The following DNM3 variants were observed in gnomAD, a reference collection of about 807,000 sequenced individuals.
DNM3 encodes the protein dynamin-3.
Under a neutral mutation model 101.6 loss-of-function variants are expected in DNM3, and 47 were observed. That is an observed-to-expected ratio of 0.46 (90% CI 0.37 to 0.59). DNM3 has a LOEUF of 0.59. Ranked by LOEUF, DNM3 falls within the 20% of genes least tolerant of loss-of-function variation. The probability of loss-of-function intolerance (pLI) is 0.00; values close to 1 mark genes in which losing one functional copy is unlikely to be tolerated. For missense variants in DNM3, 849 were observed against 1,085.7 expected (o/e 0.78, Z 3.06); for synonymous variants, 385 against 387.9 (o/e 0.99, Z 0.09).
intron 10 of DNM3, among the ~76,000 whole-genome samples, chr1:172,058,034 G>A (rs1175918781): frequency 6.8e-5 from 9 of 133,242 alleles, no homozygotes; most frequent in African/African-American, 2.7e-4. Flanking sequence ...AAAAAGGCAG[G>A]GGTTGCAATC....
intron 14 of DNM3, among the ~76,000 whole-genome samples, chr1:172,218,592 A>C (rs1289196571): frequency 1.3e-5 from 2 of 152,148 alleles, no homozygotes; most frequent in Non-Finnish European, 2.9e-5. Context: ...TTTGTGGTAT[A>C]TGATATATAC....
At chr1:172,385,220 T>A (rs995718914) in intron 18 of DNM3, among the ~76,000 whole-genome samples, 1 of 152,250 alleles carries the variant, frequency 6.6e-6, no homozygotes, top group African/African-American at 2.4e-5. Flanking sequence ...ATGAACGATC[T>A]ACAATAGCCT....
At chr1:172,335,882 C>T (rs551764306) in intron 17 of DNM3, among the ~76,000 whole-genome samples, 2 of 152,176 alleles carry the variant, frequency 1.3e-5, no homozygotes, top group African/African-American at 2.4e-5. Flanking sequence ...GGACCCCAAA[C>T]CTCAGCATCA....
chr1:171,896,235 G>A (rs1197146856), intron 1 of DNM3, among the ~76,000 whole-genome samples: 1 of 152,118 alleles, frequency 6.6e-6, no homozygotes, highest in Non-Finnish European at 1.5e-5. Context: ...TGGGCAGTAT[G>A]GCCATTTTCA....
chr1:172,016,200 G>T (rs1043285512), intron 4 of DNM3, among the ~76,000 whole-genome samples: 2 of 141,636 alleles, frequency 1.4e-5, no homozygotes, highest in African/African-American at 5.2e-5. Flanking sequence ...AAAAAAAAAA[G>T]AAAAAAAAAA....
Position 172,218,431 on chromosome 1 carries a change from G to A in DNM3, c.1660-35142G>A, listed in dbSNP as rs192582529. On this transcript the variant is annotated intron_variant, in intron 14 of 20. Coordinates refer to ENST00000627582, the MANE Select transcript of DNM3 (RefSeq NM_015569.5). ...AGGGTAAGGAGGACTGAGGAATTGAGGTAATTTGTGGTTTCACTGTAACAA... is the reference window on the plus strand; with the variant it reads ...AGGGTAAGGAGGACTGAGGAATTGAAGTAATTTGTGGTTTCACTGTAACAA... Among the ~76,000 whole-genome samples, 721 of 152,106 alleles carry A rather than the reference G, an allele frequency of 4.7e-3. 5 individuals carry two copies. The highest frequency in any genetic ancestry group is 9.8e-3 in the African/African-American group (405 of 41,512).
intron 1 of DNM3, among the ~76,000 whole-genome samples, chr1:171,895,662 T>G (rs1322951362): frequency 6.6e-6 from 1 of 152,166 alleles, no homozygotes; most frequent in Non-Finnish European, 1.5e-5. Context: ...ATTTGTCAAT[T>G]TTGGCTTTTG....
intron 17 of DNM3, among the ~76,000 whole-genome samples, chr1:172,333,665 G>T (rs2066291610): frequency 6.6e-6 from 1 of 152,072 alleles, no homozygotes; most frequent in Non-Finnish European, 1.5e-5. Flanking sequence ...ATTGGAATAT[G>T]CAGAATCTAG....
chr1:172,342,953 A>G (rs2066756563), intron 17 of DNM3, among the ~76,000 whole-genome samples: 1 of 152,142 alleles, frequency 6.6e-6, no homozygotes, highest in South Asian at 2.1e-4. Context: ...CCTGCAAAAT[A>G]TATTTTCTCC....
intron 20 of DNM3, among the ~76,000 whole-genome samples, chr1:172,407,296 C>G (rs76305311): frequency 6.6e-6 from 1 of 151,706 alleles, no homozygotes; most frequent in Admixed American, 6.6e-5. Context: ...CTGTAAATTA[C>G]AAGCATAATA....
chr1:172,055,176 C>T (rs952411630), intron 10 of DNM3, among the ~76,000 whole-genome samples: 8 of 152,026 alleles, frequency 5.3e-5, no homozygotes, highest in African/African-American at 1.9e-4. Context: ...TCATCTTCTC[C>T]CCTTTCTCTC....
At chr1:172,047,437 G>A (rs1431817140) in intron 9 of DNM3, among the ~76,000 whole-genome samples, 1 of 152,128 alleles carries the variant, frequency 6.6e-6, no homozygotes, top group Non-Finnish European at 1.5e-5. Context: ...GGCCAAAATT[G>A]TTAACAGGGT....
chr1:171,851,709 C>T (rs568613159), intron 1 of DNM3, among the ~76,000 whole-genome samples: 1 of 152,334 alleles, frequency 6.6e-6, no homozygotes, highest in East Asian at 1.9e-4. Context: ...CCACTGCACC[C>T]GACCTGAACA....
At chr1:172,401,137 G>T (rs1304110769) in intron 20 of DNM3, among the ~76,000 whole-genome samples, 1 of 152,196 alleles carries the variant, frequency 6.6e-6, no homozygotes, top group African/African-American at 2.4e-5. Context: ...AATATAAAAT[G>T]AATTGACTTG....
intron 4 of DNM3, among the ~76,000 whole-genome samples, chr1:171,989,776 C>T (rs890868225): frequency 6.6e-6 from 1 of 152,062 alleles, no homozygotes; most frequent in Non-Finnish European, 1.5e-5. Flanking sequence ...TGGTGTGTGT[C>T]TGTTTAAAGT....
chr1:172,338,226 A>G (rs1313833132), intron 17 of DNM3, among the ~76,000 whole-genome samples: 1 of 152,072 alleles, frequency 6.6e-6, no homozygotes, highest in Non-Finnish European at 1.5e-5. Context: ...GGGAGTATTC[A>G]TTTTAAACAA....
chr1:171,945,133 G>A (rs2042091712), intron 2 of DNM3, among the ~76,000 whole-genome samples: 1 of 151,860 alleles, frequency 6.6e-6, no homozygotes, highest in African/African-American at 2.4e-5. Flanking sequence ...GCCTCCCAAA[G>A]TTTTGGGATC....
At chr1:171,983,482 G>T (rs2125597834) in intron 2 of DNM3, among the ~76,000 whole-genome samples, 1 of 151,854 alleles carries the variant, frequency 6.6e-6, no homozygotes, top group Middle Eastern at 3.4e-3. Context: ...ATGTTGGCAG[G>T]GTTTGATGGA....
chr1:171,918,586 C>T (rs1433670490), intron 1 of DNM3, among the ~76,000 whole-genome samples: 3 of 152,194 alleles, frequency 2.0e-5, no homozygotes, highest in South Asian at 2.1e-4. Context: ...GGATAGACTT[C>T]GAAATAGTAA....
Sources: gnomAD v4.1 joint callset for allele counts (sites outside exome capture counted in the v4.1 genomes callset) on GRCh38, gnomAD v4.1.1 for gene constraint, MANE v1.5 for transcripts, NCBI Gene and HGNC (gene_info 2026-07-23, HGNC 2026-07-21) for gene names.